The following CNTRL variants were observed in gnomAD, a reference collection of about 807,000 sequenced individuals.
CNTRL encodes the protein centriolin, also known as 110 kDa centrosomal protein.
CNTRL carries 233 observed loss-of-function variants against 303.7 expected under a neutral mutation model. The ratio of observed to expected loss-of-function variants is 0.77; its 90% CI spans 0.69 to 0.86. CNTRL has a LOEUF of 0.86. CNTRL is among the 40% of genes least tolerant of loss of function. The pLI is 0.00. For synonymous variants in CNTRL, 900 were observed against 922.2 expected, an observed-to-expected ratio of 0.98 and a Z score of 0.44; for missense variants, 2,524 against 2,650.6, an observed-to-expected ratio of 0.95 and a Z score of 1.05.
At position 121,107,882 on chromosome 9, in the gene CNTRL, C is replaced by T; in HGVS notation, c.889C>T (p.Leu297Phe). The change falls in exon 8 of 44, where the codon CTT becomes TTT. Residue 297 changes from leucine (L) to phenylalanine (F), a missense_variant. Coordinates refer to ENST00000373855, the MANE Select transcript of CNTRL (RefSeq NM_007018.6). ...GCTTAAGAGCAAACAAACAAGGTTC[C>T]TTGAGGAAATTAAAAATCAAGATAA... ...EELKSKQTRF[L>F]EEIKNQDKLN... 6.2e-7 allele frequency: 1 copy of T among 1,609,080 alleles called. No homozygotes were observed. Among genetic ancestry groups the T allele is most frequent in the Non-Finnish European group, 8.5e-7 (1 of 1,177,888 alleles).
intron 14 of CNTRL, among the ~76,000 whole-genome samples, chr9:121,126,869 T>A (rs2050557195): frequency 6.6e-6 from 1 of 152,052 alleles, no homozygotes; most frequent in African/African-American, 2.4e-5. Context: ...TTGCCCAGGC[T>A]GGAGTGCAGT....
At chr9:121,105,216 A>T (rs770057664) in intron 7 of CNTRL, among the ~76,000 whole-genome samples, 6 of 152,188 alleles carry the variant, frequency 3.9e-5, no homozygotes, top group Non-Finnish European at 7.3e-5. Flanking sequence ...GATAGGAGTG[A>T]TCCAGGTTGG....
intron 16 of CNTRL, among the ~76,000 whole-genome samples, chr9:121,139,928 C>T (rs1272770292): frequency 6.6e-6 from 1 of 152,206 alleles, no homozygotes; most frequent in Non-Finnish European, 1.5e-5. Flanking sequence ...AATGCTGACA[C>T]GTGTTGTGGG....
At chr9:121,145,611 G>C (rs1031785706) in intron 22 of CNTRL, among the ~76,000 whole-genome samples, 1 of 152,144 alleles carries the variant, frequency 6.6e-6, no homozygotes, top group East Asian at 1.9e-4. Flanking sequence ...TTTCGTATTT[G>C]TGGGCGAGCA....
chr9:121,135,694 A>C (rs944770530), intron 14 of CNTRL, 112 bp from the exon 15 acceptor site: 3 of 946,432 alleles, frequency 3.2e-6, no homozygotes, highest in Non-Finnish European at 4.5e-6. Context: ...TGTGGCAGGC[A>C]TCAGTAGCTG....
At chr9:121,094,436 T>C (rs2048802615) in intron 4 of CNTRL, among the ~76,000 whole-genome samples, 1 of 152,214 alleles carries the variant, frequency 6.6e-6, no homozygotes, top group Non-Finnish European at 1.5e-5. Context: ...ATTAATTCAT[T>C]CCTGAGGGCA....
rs766218059 is a variant in CNTRL, at chr9:121,113,735, G to A, written c.1345+11G>A. The A allele has an allele frequency of 4.6e-5, 68 of 1,480,292 alleles. No individual in the cohort carries two copies. The African/African-American group carries it at 9.4e-4, about 20-fold the overall frequency. 91.7% of individuals were successfully genotyped at this position (1,480,292 alleles called of 1,614,324 possible). ...AAAAAATAAGTGCAGGTTAAAAAAAGTTATTTTAAATTCTTTAAAAAAAAA... is the reference window on the plus strand; with the variant it reads ...AAAAAATAAGTGCAGGTTAAAAAAAATTATTTTAAATTCTTTAAAAAAAAA... On this transcript the variant is annotated intron_variant, in intron 10 of 43. Transcript: ENST00000373855.
In CNTRL at chr9:121,140,727, A is replaced by C; in HGVS notation, c.2424A>C (p.Glu808Asp). 3 of 1,613,694 alleles carry C rather than the reference A, an allele frequency of 1.9e-6. No individual in the cohort carries two copies. The highest frequency in any genetic ancestry group is 1.7e-6 in the Non-Finnish European group (2 of 1,179,694). Residue 808 changes from glutamate (E) to aspartate (D), a missense_variant, in exon 17 of 44, where the codon GAA becomes GAC. Coordinates refer to ENST00000373855, the MANE Select transcript of CNTRL (RefSeq NM_007018.6). ...TTGATGGTTTGGTTCGTCCAGAAGA[A>C]GTGGCAGCTCGTGTGGATGAGCTAA... ...HVVDGLVRPE[E>D]VAARVDELRR...
chr9:121,088,266 T>A lies in CNTRL; in HGVS notation c.-31-30T>A, dbSNP rs2048424325. On this transcript the variant is annotated intron_variant, in intron 2 of 43. Coordinates refer to ENST00000373855, the MANE Select transcript of CNTRL (RefSeq NM_007018.6). ...AGTTTTGATAACTCTTAAAAATTAA[T>A]CTTGTTGAATATACTGAAAACTCTT... The A allele has an allele frequency of 1.7e-5, 17 of 1,027,004 alleles. No individual in the cohort carries two copies. In the South Asian group the frequency reaches 2.4e-4, roughly 15 times the overall value. 63.6% of individuals were successfully genotyped at this position (1,027,004 alleles called of 1,614,324 possible).
chr9:121,173,561 C>T, intron 41 of CNTRL, 52 bp downstream of exon 41: 1 of 1,609,742 alleles, frequency 6.2e-7, no homozygotes, highest in East Asian at 2.2e-5. Context: ...CCACCTCCCC[C>T]AGCTAAGCTA....
At position 121,113,796 on chromosome 9, in the gene CNTRL, T is replaced by C; in HGVS notation, c.1345+72T>C. 2.9e-6 allele frequency: 3 copies of C among 1,025,750 alleles called. 1 individual carries two copies. The South Asian group carries it at 7.6e-5, about 26-fold the overall frequency. The allele number at this position is 1,025,750 out of a possible 1,614,324, so 63.5% of individuals were successfully genotyped here. A position where few individuals can be genotyped will look rare whatever the true frequency, so the allele number is the denominator to read the frequency against. On this transcript the variant is annotated intron_variant, in intron 10 of 43. Coordinates refer to ENST00000373855, the MANE Select transcript of CNTRL (RefSeq NM_007018.6). Reference sequence around the variant, plus strand: ...TTGAATATGTAGGCCAATTTTGTTTTATAAGTCTTTTAATTGAACATGTTG... The same window carrying C: ...TTGAATATGTAGGCCAATTTTGTTTCATAAGTCTTTTAATTGAACATGTTG...
chr9:121,101,382 C>G (rs2049158739), intron 7 of CNTRL, among the ~76,000 whole-genome samples: 1 of 152,186 alleles, frequency 6.6e-6, no homozygotes, highest in South Asian at 2.1e-4. Context: ...ACCAGAATCT[C>G]TAGGACACGT....
At chr9:121,154,088 C>T (rs1264850368) in intron 26 of CNTRL, among the ~76,000 whole-genome samples, 1 of 151,878 alleles carries the variant, frequency 6.6e-6, no homozygotes, top group African/African-American at 2.4e-5. Flanking sequence ...CAAAAATGTC[C>T]CAAGAAGAAA....
At position 121,154,832 on chromosome 9, in the gene CNTRL, T is replaced by A; in HGVS notation, c.4284T>A (p.Leu1428=). 6.2e-7 allele frequency: 1 copy of A among 1,614,178 alleles called. No homozygotes were observed. The highest frequency in any genetic ancestry group is 8.5e-7 in the Non-Finnish European group (1 of 1,179,998). Residue 1428 remains leucine, a synonymous_variant, in exon 27 of 44, where the codon CTT becomes CTA. Transcript: ENST00000373855. ...VDEIECIEKT[L]LKRRSELREA... Reference sequence around the variant, plus strand: ...AAATTGAGTGCATTGAGAAGACTCTTCTGAAACGTCGCTCAGAGCTCAGGG... The same window carrying A: ...AAATTGAGTGCATTGAGAAGACTCTACTGAAACGTCGCTCAGAGCTCAGGG...
chr9:121,107,268 G>C (rs2049522712), intron 7 of CNTRL, among the ~76,000 whole-genome samples: 2 of 152,090 alleles, frequency 1.3e-5, no homozygotes, highest in Non-Finnish European at 2.9e-5. Context: ...GTGAGAAGAG[G>C]CATCACAAAT....
rs757810170 is a variant in CNTRL at position 121,125,907 on chromosome 9, G to A, written c.1996G>A (p.Val666Ile). ...VEQERDQLEI[V>I]AMDAENMRKE... is the part of the protein sequence containing the mutation. ...GCAGGAGAGAGACCAGCTGGAAATA[G>A]TTGCCATGGATGCAGAAAATATGAG... Residue 666 changes from valine (V) to isoleucine (I), a missense_variant, in exon 14 of 44, where the codon GTT becomes ATT. Transcript: ENST00000373855. 1.2e-6 allele frequency: 2 copies of A among 1,614,188 alleles called. No individual in the cohort carries two copies. Among genetic ancestry groups the A allele is most frequent in the Non-Finnish European group, 1.7e-6 (2 of 1,180,016 alleles).
chr9:121,092,522 A>G lies in CNTRL; in HGVS notation c.348+2117A>G, dbSNP rs191212836. On this transcript the variant is annotated intron_variant, in intron 4 of 43. Coordinates refer to ENST00000373855, the MANE Select transcript of CNTRL (RefSeq NM_007018.6). ...ATATATATAATATATATCTATATAT[A>G]TAATATATATCTATATATATTATAT... 1.7e-3 allele frequency among the ~76,000 whole-genome samples: 62 copies of G among 37,510 alleles called. 7 individuals carry two copies. Among genetic ancestry groups the G allele is most frequent in the African/African-American group, 6.9e-3 (56 of 8,150 alleles). 24.6% of individuals were successfully genotyped at this position (37,510 alleles called of 152,430 possible).
intron 7 of CNTRL, among the ~76,000 whole-genome samples, chr9:121,099,102 G>A (rs2049019053): frequency 6.6e-6 from 1 of 152,212 alleles, no homozygotes; most frequent in African/African-American, 2.4e-5. Context: ...ATCTGAGAAT[G>A]GACAGACTGC....
chr9:121,112,170 A>T (rs1385616957), intron 8 of CNTRL, among the ~76,000 whole-genome samples: 4 of 152,162 alleles, frequency 2.6e-5, no homozygotes, highest in African/African-American at 4.8e-5. Flanking sequence ...ATACAAAAAT[A>T]TTTTCATGTT....
Sources: gnomAD v4.1 joint callset for allele counts (sites outside exome capture counted in the v4.1 genomes callset) on GRCh38, gnomAD v4.1.1 for gene constraint, MANE v1.5 for transcripts, NCBI Gene and HGNC (gene_info 2026-07-23, HGNC 2026-07-21) for gene names.